Variants in SLC46A1 observed in about 807,000 individuals in gnomAD.
The protein encoded by SLC46A1 is solute carrier family 46 member 1.
Under a neutral mutation model 32.1 loss-of-function variants are expected in SLC46A1, and 17 were observed. The ratio of observed to expected loss-of-function variants is 0.53; its 90% CI spans 0.36 to 0.79. SLC46A1 has a LOEUF of 0.79. Among genes scored for constraint, SLC46A1 ranks in the 30% least tolerant of loss-of-function variants. The probability of loss-of-function intolerance (pLI) is 0.00; values close to 1 mark genes in which losing one functional copy is unlikely to be tolerated. For synonymous variants in SLC46A1, 240 were observed against 262.7 expected (o/e 0.91, Z 0.84); for missense variants, 517 against 588.2 (o/e 0.88, Z 1.25).
rs1555588020 is a variant in SLC46A1, at chr17:28,396,410, C to T, written c.*3246G>A. The T allele has an allele frequency of 8.8e-7, 1 of 1,130,714 alleles. No individual in the cohort carries two copies. The highest frequency in any genetic ancestry group is 1.3e-6 in the Non-Finnish European group (1 of 781,992). The allele number at this position is 1,130,714 out of a possible 1,614,324, so 70.0% of individuals were successfully genotyped here. ...GGGCTCTTCTTAGGAAATGGCTCTC[C>T]CTCCCCCTGTCCCCCACCCTCATGG... On this transcript the variant is annotated 3_prime_UTR_variant, in exon 5 of 5. Coordinates refer to ENST00000612814, the MANE Select transcript of SLC46A1 (RefSeq NM_080669.6).
Position 28,396,481 on chromosome 17 carries a change from G to T in SLC46A1, c.*3175C>A, listed in dbSNP as rs1321938535. On this transcript the variant is annotated 3_prime_UTR_variant, in exon 5 of 5. Transcript: ENST00000612814. ...CTCAGTATCTGGAGAGGGAAGGGAA[G>T]TCAGGCTTGGGCACGGGAGGTTAGA... 1 of 659,250 alleles carries T rather than the reference G, an allele frequency of 1.5e-6. No homozygotes were observed. The highest frequency in any genetic ancestry group is 2.5e-6 in the Non-Finnish European group (1 of 393,618). 40.8% of individuals were successfully genotyped at this position (659,250 alleles called of 1,614,324 possible).
In SLC46A1 at chr17:28,395,772, T is replaced by C. The variant is rs2068113438; in HGVS notation, c.*3884A>G. ...TACACTACAAGGGTTAAGGTAGACA[T>C]CAAGGTGGACATCAGGACTGGTGTC... On this transcript the variant is annotated 3_prime_UTR_variant, in exon 5 of 5. Coordinates refer to ENST00000612814, the MANE Select transcript of SLC46A1 (RefSeq NM_080669.6). 1.1e-6 allele frequency: 1 copy of C among 877,368 alleles called. No homozygotes were observed. The highest frequency in any genetic ancestry group is 2.4e-5 in the East Asian group (1 of 41,098). The allele number at this position is 877,368 out of a possible 1,614,324, so 54.3% of individuals were successfully genotyped here.
chr17:28,405,349 C>T lies in SLC46A1; in HGVS notation c.348G>A (p.Leu116=). 1.3e-6 allele frequency: 2 copies of T among 1,587,406 alleles called. No individual in the cohort carries two copies. The highest frequency in any genetic ancestry group is 1.1e-5 in the South Asian group (1 of 87,110). ...GCAGGCCCAGCGAGGCCAGCACTAG[C>T]AGCGGGCGGCGGCCCACACTGTCGC... is the stretch of plus-strand genomic sequence containing the variant. ...AWSDSVGRRP[L]LVLASLGLLL... is the part of the protein sequence containing the mutation. The change falls in exon 2 of 5, where the codon CTG becomes CTA. Residue 116 remains leucine (L), a synonymous_variant. Transcript: ENST00000612814.
In SLC46A1 at chr17:28,396,535, C is replaced by A; in HGVS notation, c.*3121G>T. On this transcript the variant is annotated 3_prime_UTR_variant, in exon 5 of 5. Coordinates refer to ENST00000612814, the MANE Select transcript of SLC46A1 (RefSeq NM_080669.6). The stretch of plus-strand genomic sequence containing the variant: ...CCCCCAGGCCCTGCCATTGGGTTGT[C>A]TGTCTCCGTCATGGGGAGGGTCCCT... The A allele has an allele frequency of 1.8e-6, 1 of 543,938 alleles. No homozygotes were observed. The highest frequency in any genetic ancestry group is 2.2e-5 in the South Asian group (1 of 44,692). 33.7% of individuals were successfully genotyped at this position (543,938 alleles called of 1,614,324 possible). A position where few individuals can be genotyped will look rare whatever the true frequency, so the allele number is the denominator to read the frequency against.
rs1447011983 is a variant in SLC46A1, at chr17:28,404,651, A to G, written c.1046T>C (p.Phe349Ser). The change falls in exon 2 of 5, where the codon TTT becomes TCT. Residue 349 changes from phenylalanine (F) to serine (S), a missense_variant. Transcript: ENST00000612814. ...LAFNILGMVV[F>S]AFATITPLMF... The stretch of plus-strand genomic sequence containing the variant: ...GAGAGGCGTGATAGTGGCAAAGGCA[A>G]AGACCACCATCCCCAGGATGTTGAA... The G allele has an allele frequency of 5.0e-6, 8 of 1,611,938 alleles. No individual in the cohort carries two copies. The Admixed American group carries it at 1.3e-4, about 27-fold the overall frequency.
At position 28,396,173 on chromosome 17, in the gene SLC46A1, C is replaced by T; in HGVS notation, c.*3483G>A. ...TGCCCACAGGTGGTCCCACGAATACCAGGAGGCCACCATTGAGAAGATCAT... is the reference window on the plus strand; with the variant it reads ...TGCCCACAGGTGGTCCCACGAATACTAGGAGGCCACCATTGAGAAGATCAT... On this transcript the variant is annotated 3_prime_UTR_variant, in exon 5 of 5. Coordinates refer to ENST00000612814, the MANE Select transcript of SLC46A1 (RefSeq NM_080669.6). 1 of 1,613,934 alleles carries T rather than the reference C, an allele frequency of 6.2e-7. No individual in the cohort carries two copies. The highest frequency in any genetic ancestry group is 1.1e-5 in the South Asian group (1 of 91,084).
chr17:28,405,571 G>A, intron 1 of SLC46A1, 103 bp from the exon 2 acceptor site: 1 of 1,488,076 alleles, frequency 6.7e-7, no homozygotes, highest in Non-Finnish European at 9.1e-7. Flanking sequence ...TTCCTTTGGA[G>A]CCCTAAACCT....
upstream of SLC46A1, chr17:28,406,440 A>C: frequency 5.0e-5 from 15 of 302,430 alleles, no homozygotes; most frequent in East Asian, 2.4e-4. This position sits in a 1 kb window ranked among gnomAD's most constrained non-coding sequence, Gnocchi z 4.5. Context: ...AACAATTAAC[A>C]TGTATTGACC....
rs1006352139 is a variant in SLC46A1 at position 28,405,824 on chromosome 17, T to C, written c.228+63A>G. The C allele has an allele frequency of 4.0e-6, 6 of 1,482,878 alleles. No homozygotes were observed. In the African/African-American group the frequency reaches 8.4e-5, roughly 21 times the overall value. The allele number at this position is 1,482,878 out of a possible 1,614,324, so 91.9% of individuals were successfully genotyped here. On this transcript the variant is annotated intron_variant, in intron 1 of 4. Coordinates refer to ENST00000612814, the MANE Select transcript of SLC46A1 (RefSeq NM_080669.6). ...ACTACCATTACGCAGGCCCCGCCCCTCCGCTGCCCCCACGCTCCAGACCAG... is the reference window on the plus strand; with the variant it reads ...ACTACCATTACGCAGGCCCCGCCCCCCCGCTGCCCCCACGCTCCAGACCAG...
In SLC46A1 at chr17:28,396,402, T is replaced by C. The variant is rs2068124287; in HGVS notation, c.*3254A>G. 8.1e-7 allele frequency: 1 copy of C among 1,232,998 alleles called. No homozygotes were observed. The highest frequency in any genetic ancestry group is 1.5e-5 in the African/African-American group (1 of 66,802). The allele number at this position is 1,232,998 out of a possible 1,614,324, so 76.4% of individuals were successfully genotyped here. ...GACAACCTGGGCTCTTCTTAGGAAA[T>C]GGCTCTCCCTCCCCCTGTCCCCCAC... On this transcript the variant is annotated 3_prime_UTR_variant, in exon 5 of 5. Transcript: ENST00000612814.
Position 28,402,138 on chromosome 17 carries a change from G to T in SLC46A1, c.1165+100C>A, listed in dbSNP as rs1369934181. Reference sequence around the variant, plus strand: ...GCCACTTACTTCTCCAGGGTGAGAGGGGGGAAGGCAAGCTGTTCCCCCAGC... The same window carrying T: ...GCCACTTACTTCTCCAGGGTGAGAGTGGGGAAGGCAAGCTGTTCCCCCAGC... On this transcript the variant is annotated intron_variant, in intron 3 of 4. Coordinates refer to ENST00000612814, the MANE Select transcript of SLC46A1 (RefSeq NM_080669.6). 4.0e-6 allele frequency: 4 copies of T among 1,012,452 alleles called. No homozygotes were observed. In the East Asian group the frequency reaches 7.9e-5, roughly 20 times the overall value. The allele number at this position is 1,012,452 out of a possible 1,614,324, so 62.7% of individuals were successfully genotyped here.
In SLC46A1 at chr17:28,395,869, A is replaced by G; in HGVS notation, c.*3787T>C. On this transcript the variant is annotated 3_prime_UTR_variant, in exon 5 of 5. Transcript: ENST00000612814. ...TGGCTACAAGGGTCCCTAGATGGGT[A>G]CAGGGGTATCTTCCTCCTTTCCTTT... The G allele has an allele frequency of 6.2e-7, 1 of 1,611,052 alleles. No individual in the cohort carries two copies. Among genetic ancestry groups the G allele is most frequent in the Non-Finnish European group, 8.5e-7 (1 of 1,179,630 alleles).
intron 4 of SLC46A1, 22 bp downstream of exon 4, chr17:28,400,588 T>C (rs2068183362): frequency 3.7e-6 from 6 of 1,612,932 alleles, no homozygotes; most frequent in African/African-American, 2.7e-5. Context: ...ATTATGAGCA[T>C]GGGTTCAGGG....
Position 28,404,715 on chromosome 17 carries a change from A to C in SLC46A1, c.982T>G (p.Cys328Gly), listed in dbSNP as rs2068235372. The C allele has an allele frequency of 3.7e-6, 6 of 1,613,928 alleles. No homozygotes were observed. The highest frequency in any genetic ancestry group is 1.3e-5 in the African/African-American group (1 of 74,944). ...SLLALKLLQY[C>G]LADAWVAEIG... ...TCAGCTACCCAGGCATCGGCCAGGCAGTACTGCAGGAGCTTCAGGGCCAGC... is the reference window on the plus strand; with the variant it reads ...TCAGCTACCCAGGCATCGGCCAGGCCGTACTGCAGGAGCTTCAGGGCCAGC... Residue 328 changes from cysteine to glycine, a missense_variant, in exon 2 of 5, where the codon TGC becomes GGC. Coordinates refer to ENST00000612814, the MANE Select transcript of SLC46A1 (RefSeq NM_080669.6).
chr17:28,404,395 G>C, intron 2 of SLC46A1: 1 of 609,930 alleles, frequency 1.6e-6, no homozygotes, highest in Non-Finnish European at 2.9e-6. Context: ...GTTGATAACA[G>C]TGGGTTAATT....
chr17:28,398,466 G>A lies in SLC46A1; in HGVS notation c.*1190C>T, dbSNP rs1555588707. 1.3e-5 allele frequency: 2 copies of A among 152,388 alleles called. No homozygotes were observed. The highest frequency in any genetic ancestry group is 2.9e-5 in the Non-Finnish European group (2 of 68,190). The allele number at this position is 152,388 out of a possible 1,614,324, so 9.4% of individuals were successfully genotyped here. A position where few individuals can be genotyped will look rare whatever the true frequency, so the allele number is the denominator to read the frequency against. ...GGACAAACACAGCTCAGATCACCAG[G>A]TCAAGCACCTAGGCCTGGCTTCTCC... On this transcript the variant is annotated 3_prime_UTR_variant, in exon 5 of 5. Coordinates refer to ENST00000612814, the MANE Select transcript of SLC46A1 (RefSeq NM_080669.6).
In SLC46A1 at chr17:28,400,842, G is replaced by A. The variant is rs1400892386; in HGVS notation, c.1166-76C>T. ...ACTCTGGCACCACCACCTCACAGCTGTGTGACCGGGAGTAGTCACTTAACC... is the reference window on the plus strand; with the variant it reads ...ACTCTGGCACCACCACCTCACAGCTATGTGACCGGGAGTAGTCACTTAACC... On this transcript the variant is annotated intron_variant, in intron 3 of 4. Transcript: ENST00000612814. The A allele has an allele frequency of 5.9e-6, 8 of 1,353,254 alleles. No homozygotes were observed. The African/African-American group carries it at 1.2e-4, about 20-fold the overall frequency. 83.8% of individuals were successfully genotyped at this position (1,353,254 alleles called of 1,614,324 possible).
rs2068133939 is a variant in SLC46A1 at position 28,397,016 on chromosome 17, C to A, written c.*2640G>T. The A allele has an allele frequency of 2.0e-5, 3 of 152,614 alleles. No homozygotes were observed. In the South Asian group the frequency reaches 6.2e-4, roughly 32 times the overall value. The allele number at this position is 152,614 out of a possible 1,614,324, so 9.5% of individuals were successfully genotyped here. On this transcript the variant is annotated 3_prime_UTR_variant, in exon 5 of 5. Transcript: ENST00000612814. Reference sequence around the variant, plus strand: ...CCTCCTGTTTGGGCCTGGGTCTGGGCATGGGGAGGCCGTGCCTCAAAGCCC... The same window carrying A: ...CCTCCTGTTTGGGCCTGGGTCTGGGAATGGGGAGGCCGTGCCTCAAAGCCC...
chr17:28,405,671 T>G lies in SLC46A1; in HGVS notation c.229-203A>C, dbSNP rs376435999. ...CCCATTCCCTTTCCTTTCCCCCCCC[T>G]TTTGTTAACCTGCAAGGCCAGACTT... On this transcript the variant is annotated intron_variant, in intron 1 of 4. Transcript: ENST00000612814. 101 of 968,178 alleles carry G rather than the reference T, an allele frequency of 1.0e-4. 1 individual carries two copies. In the East Asian group the frequency reaches 1.7e-3, roughly 16 times the overall value. The allele number at this position is 968,178 out of a possible 1,614,324, so 60.0% of individuals were successfully genotyped here. A position where few individuals can be genotyped will look rare whatever the true frequency, so the allele number is the denominator to read the frequency against.
Sources: gnomAD v4.1 joint callset for allele counts on GRCh38, gnomAD v4.1.1 for gene constraint, Gnocchi (gnomAD v3.1) non-coding constraint, MANE v1.5 for transcripts, NCBI Gene and HGNC (gene_info 2026-07-23, HGNC 2026-07-21) for gene names.